The following MET variants were observed in gnomAD, a reference collection of about 807,000 sequenced individuals.
The protein encoded by MET is hepatocyte growth factor receptor.
A neutral mutation model predicts 133.1 loss-of-function variants in MET; 48 were observed. That is an observed-to-expected ratio of 0.36 (90% CI 0.29 to 0.46). The LOEUF is 0.46. MET is among the 20% of genes least tolerant of loss of function. MET has a pLI of 1.00. For missense variants in MET, 1,442 were observed against 1,695.9 expected, an observed-to-expected ratio of 0.85 and a Z score of 2.63; for synonymous variants, 628 against 616.5, an observed-to-expected ratio of 1.02 and a Z score of -0.28.
chr7:116,788,054 A>G (rs1289170197), intron 19 of MET, among the ~76,000 whole-genome samples: 3 of 152,218 alleles, frequency 2.0e-5, no homozygotes, highest in African/African-American at 7.2e-5. Context: ...ACATTATGTT[A>G]AGTGAAAAAA....
chr7:116,696,501 A>G (rs1796971814), intron 1 of MET, among the ~76,000 whole-genome samples: 1 of 152,226 alleles, frequency 6.6e-6, no homozygotes, highest in Non-Finnish European at 1.5e-5. Flanking sequence ...TGCCTTGAAG[A>G]TCAACAAACG....
At position 116,731,686 on chromosome 7, in the gene MET, T is replaced by G; in HGVS notation, c.1219T>G (p.Ser407Ala). The G allele has an allele frequency of 6.2e-7, 1 of 1,614,136 alleles. No homozygotes were observed. Among genetic ancestry groups the G allele is most frequent in the South Asian group, 1.1e-5 (1 of 91,084 alleles). ...ATTCCAGACACTTCTGAGAAATTCA[T>G]CAGGCTGTGAAGCGCGCCGTGATGA... ...CFNRTLLRNS[S>A]GCEARRDEYR... Residue 407 changes from serine to alanine, a missense_variant, in exon 3 of 21, where the codon TCA becomes GCA. Physicochemically the swap from Ser to Ala is moderately conservative, Grantham distance 99. Transcript: ENST00000397752.
chr7:116,731,297 A>G (rs975122342), intron 2 of MET, among the ~76,000 whole-genome samples: 4 of 152,182 alleles, frequency 2.6e-5, no homozygotes, highest in African/African-American at 7.2e-5. Flanking sequence ...TCTAACATTT[A>G]TTATTATTCC....
chr7:116,684,376 A>G (rs1158497354), intron 1 of MET, among the ~76,000 whole-genome samples: 1 of 152,236 alleles, frequency 6.6e-6, no homozygotes, highest in African/African-American at 2.4e-5. Context: ...GTGCCATGTA[A>G]TGACACTATG....
chr7:116,700,394 A>G (rs1346459780), intron 2 of MET, 110 bp downstream of exon 2: 14 of 1,263,728 alleles, frequency 1.1e-5, no homozygotes, highest in Admixed American at 2.7e-5. Flanking sequence ...AATGGTGTTT[A>G]TCCAAAATAG....
In MET at chr7:116,795,968, G is replaced by T; in HGVS notation, c.4017G>T (p.Ala1339=). ...SFSELVSRIS[A]IFSTFIGEHY... ...CTGAACTGGTGTCCCGGATATCAGC[G>T]ATCTTCTCTACTTTCATTGGGGAGC... The change falls in exon 21 of 21, where the codon GCG becomes GCT. Residue 1339 remains alanine, a synonymous_variant. Coordinates refer to ENST00000397752, the MANE Select transcript of MET (RefSeq NM_000245.4). 6.2e-7 allele frequency: 1 copy of T among 1,613,962 alleles called. No homozygotes were observed. The highest frequency in any genetic ancestry group is 2.2e-5 in the East Asian group (1 of 44,880).
At chr7:116,675,804 G>A (rs1266810947) in intron 1 of MET, among the ~76,000 whole-genome samples, 1 of 143,120 alleles carries the variant, frequency 7.0e-6, no homozygotes, top group African/African-American at 2.6e-5. Flanking sequence ...TCTTTGTAGT[G>A]AGACATACCG....
At chr7:116,784,933 C>CG (rs1562936705) in intron 19 of MET, among the ~76,000 whole-genome samples, 1 of 152,142 alleles carries the variant, frequency 6.6e-6, no homozygotes, top group Non-Finnish European at 1.5e-5. Context: ...CAAGATACAA[C>CG]GGGGGTACAG....
chr7:116,768,864 A>C (rs1431751725), intron 11 of MET, among the ~76,000 whole-genome samples: 1 of 152,220 alleles, frequency 6.6e-6, no homozygotes. Flanking sequence ...GGTTTCTCAA[A>C]CAAAACGTTG....
intron 14 of MET, among the ~76,000 whole-genome samples, chr7:116,773,480 C>G (rs1267631828): frequency 6.6e-6 from 1 of 152,134 alleles, no homozygotes; most frequent in Non-Finnish European, 1.5e-5. Flanking sequence ...ATCTGTGCAC[C>G]CTTAAGCATT....
chr7:116,734,456 T>C lies in MET; in HGVS notation c.1392+2597T>C, dbSNP rs550038852. On this transcript the variant is annotated intron_variant, in intron 3 of 20. Coordinates refer to ENST00000397752, the MANE Select transcript of MET (RefSeq NM_000245.4). ...TGAATCAGGTATTTCACAGTGGTCA[T>C]TTGATTAGAAAGAATTATATTGTTT... Among the ~76,000 whole-genome samples the C allele has an allele frequency of 1.4e-4, 21 of 152,356 alleles. No homozygotes were observed. The East Asian group carries it at 3.9e-3, about 28-fold the overall frequency.
chr7:116,773,530 A>C lies in MET; in HGVS notation c.3029-1351A>C, dbSNP rs9641565. Among the ~76,000 whole-genome samples, 44 of 152,306 alleles carry C rather than the reference A, an allele frequency of 2.9e-4. No individual in the cohort carries two copies. The East Asian group carries it at 7.3e-3, about 25-fold the overall frequency. On this transcript the variant is annotated intron_variant, in intron 14 of 20. Coordinates refer to ENST00000397752, the MANE Select transcript of MET (RefSeq NM_000245.4). Reference sequence around the variant, plus strand: ...CCAGATGCAAAGGCTTTAGGAAGTGAGAATGAAAGACCTGAGTTTAGAGAG... The same window carrying C: ...CCAGATGCAAAGGCTTTAGGAAGTGCGAATGAAAGACCTGAGTTTAGAGAG...
chr7:116,701,367 C>T (rs1184439616), intron 2 of MET, among the ~76,000 whole-genome samples: 1 of 152,114 alleles, frequency 6.6e-6, no homozygotes, highest in Non-Finnish European at 1.5e-5. Flanking sequence ...TCAGGTAGAA[C>T]ATTAAACATG....
chr7:116,716,905 A>G (rs962736958), intron 2 of MET, among the ~76,000 whole-genome samples: 4 of 152,198 alleles, frequency 2.6e-5, no homozygotes, highest in Non-Finnish European at 1.5e-5. Flanking sequence ...ACAACCGCAG[A>G]GCATGCCCTC....
In MET at chr7:116,758,610, TC is replaced by T; in HGVS notation, c.2255del (p.Ser752PhefsTer9). On this transcript the variant is annotated frameshift_variant, in exon 9 of 21. Transcript: ENST00000397752. LOFTEE classifies it high-confidence loss of function. ...TGTCTATGAAATTCATCCAACCAAA[TC>T]TTTTATTAGGTAAGTAGAAGCTTCT... ...PIVYEIHPTK[S>X]FISGGSTITG... The T allele has an allele frequency of 6.2e-7, 1 of 1,613,572 alleles. No homozygotes were observed. The highest frequency in any genetic ancestry group is 8.5e-7 in the Non-Finnish European group (1 of 1,179,742).
At chr7:116,734,267 C>T (rs940013276) in intron 3 of MET, among the ~76,000 whole-genome samples, 2 of 152,130 alleles carry the variant, frequency 1.3e-5, no homozygotes, top group African/African-American at 4.8e-5. Context: ...CAAAAGGGAA[C>T]AGAAAGATGA....
At chr7:116,741,156 A>T (rs1460441653) in intron 5 of MET, 131 bp downstream of exon 5, 33 of 1,064,488 alleles carry the variant, frequency 3.1e-5, no homozygotes, top group Non-Finnish European at 1.1e-5. Context: ...AAATCAATTT[A>T]CTCATTTAGC....
intron 2 of MET, among the ~76,000 whole-genome samples, chr7:116,700,761 T>A (rs545611355): frequency 2.4e-4 from 37 of 152,344 alleles, no homozygotes; most frequent in African/African-American, 8.4e-4. Context: ...CTCTCACTGA[T>A]ACACAACTGA....
At chr7:116,746,244 C>T (rs1232057735) in intron 5 of MET, among the ~76,000 whole-genome samples, 1 of 152,190 alleles carries the variant, frequency 6.6e-6, no homozygotes, top group Non-Finnish European at 1.5e-5. Flanking sequence ...CATCTCACAC[C>T]AGTTAGAATG....
Sources: gnomAD v4.1 joint callset for allele counts (sites outside exome capture counted in the v4.1 genomes callset) on GRCh38, gnomAD v4.1.1 for gene constraint, MANE v1.5 for transcripts, NCBI Gene and HGNC (gene_info 2026-07-23, HGNC 2026-07-21) for gene names.